SHLD1: variants seen among roughly 807,000 people sequenced by gnomAD.
SHLD1 encodes the protein shieldin complex subunit 1.
In SHLD1, 3 loss-of-function variants were observed where a neutral mutation model predicts 5.5. The ratio of observed to expected loss-of-function variants is 0.54; its 90% CI spans 0.25 to 1.40. SHLD1 has a LOEUF of 1.40. Among genes scored for constraint, SHLD1 ranks in the 40% most tolerant of loss-of-function variants. The pLI, the probability that SHLD1 is intolerant of heterozygous loss-of-function variation, is 0.15. For missense variants in SHLD1, 210 were observed against 244.4 expected (o/e 0.86, Z 0.94); for synonymous variants, 92 against 94.3 (o/e 0.98, Z 0.14).
chr20:5,817,852 T>C (rs1188397979), intron 2 of SHLD1, among the ~76,000 whole-genome samples: 1 of 152,192 alleles, frequency 6.6e-6, no homozygotes, highest in Non-Finnish European at 1.5e-5. Flanking sequence ...GTCTCTTTGC[T>C]GAGGAAACTG....
chr20:5,764,160 A>ATATATATATATTT (rs1398038904), intron 1 of SHLD1, among the ~76,000 whole-genome samples: 1,221 of 62,790 alleles, frequency 0.019, 12 homozygotes, highest in Non-Finnish European at 0.032. Flanking sequence ...ATTTATATTT[A>ATATATATATATTT]TATATATATA....
At chr20:5,800,558 C>T (rs1412226551) in intron 2 of SHLD1, among the ~76,000 whole-genome samples, 1 of 152,118 alleles carries the variant, frequency 6.6e-6, no homozygotes, top group Non-Finnish European at 1.5e-5. Flanking sequence ...GGCACGGTGG[C>T]AGACACCTGT....
At chr20:5,763,946 T>TAAAAAAAAAA (rs1233102331) in intron 1 of SHLD1, among the ~76,000 whole-genome samples, 2 of 70,176 alleles carry the variant, frequency 2.8e-5, no homozygotes, top group Non-Finnish European at 5.2e-5. Flanking sequence ...CCGTCTTTAC[T>TAAAAAAAAAA]AAAAAAAAAA....
At chr20:5,833,983 T>C (rs1320388328) in intron 2 of SHLD1, among the ~76,000 whole-genome samples, 1 of 152,236 alleles carries the variant, frequency 6.6e-6, no homozygotes, top group African/African-American at 2.4e-5. Context: ...CTTCTGTCAT[T>C]GGCATTGAGG....
intron 2 of SHLD1, among the ~76,000 whole-genome samples, chr20:5,827,487 T>C (rs1217286540): frequency 6.6e-6 from 1 of 152,072 alleles, no homozygotes; most frequent in Non-Finnish European, 1.5e-5. Flanking sequence ...GCACCCCCAG[T>C]CTGCAGCCCC....
intron 2 of SHLD1, among the ~76,000 whole-genome samples, chr20:5,854,005 A>G (rs2088048054): frequency 6.7e-6 from 1 of 149,822 alleles, no homozygotes; most frequent in Admixed American, 6.6e-5. Context: ...ATGCTCAGCT[A>G]ATTTTTTTTT....
At chr20:5,839,587 A>C (rs1472574026) in intron 2 of SHLD1, among the ~76,000 whole-genome samples, 1 of 152,224 alleles carries the variant, frequency 6.6e-6, no homozygotes, top group Non-Finnish European at 1.5e-5. Context: ...GTGGAAGTAC[A>C]TGTTCAGATA....
At chr20:5,755,547 C>T (rs2122171099) in intron 1 of SHLD1, among the ~76,000 whole-genome samples, 1 of 151,756 alleles carries the variant, frequency 6.6e-6, no homozygotes, top group African/African-American at 2.4e-5. Flanking sequence ...AAGGGAAGAA[C>T]ATTTTCTTTT....
At chr20:5,786,315 C>T (rs182940154) in intron 2 of SHLD1, among the ~76,000 whole-genome samples, 36 of 152,200 alleles carry the variant, frequency 2.4e-4, no homozygotes, top group African/African-American at 8.2e-4. Flanking sequence ...AGTGGCTCAC[C>T]CTTGTGATCC....
intron 2 of SHLD1, among the ~76,000 whole-genome samples, chr20:5,861,676 A>C (rs2088164834): frequency 1.3e-5 from 2 of 152,356 alleles, no homozygotes; most frequent in Middle Eastern, 3.4e-3. Context: ...GTTGAAGCCC[A>C]GAAAGGTTGT....
intron 1 of SHLD1, among the ~76,000 whole-genome samples, chr20:5,751,947 T>G (rs1983773347): frequency 6.6e-6 from 1 of 152,218 alleles, no homozygotes; most frequent in Admixed American, 6.6e-5. Context: ...ATTCTTTAGC[T>G]GACAGTTGCT....
At chr20:5,816,089 GAAA>G (rs141881349) in intron 2 of SHLD1, among the ~76,000 whole-genome samples, 5 of 86,320 alleles carry the variant, frequency 5.8e-5, no homozygotes, top group Non-Finnish European at 8.2e-5. Context: ...TCAAAAAAAC[GAAA>G]AAAAAAAAAA....
At chr20:5,847,143 T>C (rs1682907366) in intron 2 of SHLD1, among the ~76,000 whole-genome samples, 1 of 152,154 alleles carries the variant, frequency 6.6e-6, no homozygotes, top group Non-Finnish European at 1.5e-5. Context: ...AAGATCATAT[T>C]AATGAAGAAA....
rs535367684 is a variant in SHLD1, at chr20:5,769,031, G to A, written c.-4-3831G>A. 6.0e-4 allele frequency among the ~76,000 whole-genome samples: 91 copies of A among 151,322 alleles called. 1 individual carries two copies. Among genetic ancestry groups the A allele is most frequent in the Non-Finnish European group, 1.1e-3 (74 of 67,954 alleles). On this transcript the variant is annotated intron_variant, in intron 1 of 2. Coordinates refer to ENST00000303142, the MANE Select transcript of SHLD1 (RefSeq NM_152504.4). The stretch of plus-strand genomic sequence containing the variant: ...AGTGATCCTCCCAACTCTGCCTCCT[G>A]AGTAGCTGGGACTATAGGCACATGC...
At chr20:5,768,327 C>T (rs1014815979) in intron 1 of SHLD1, among the ~76,000 whole-genome samples, 9 of 152,194 alleles carry the variant, frequency 5.9e-5, no homozygotes, top group Admixed American at 1.3e-4. Flanking sequence ...TGTGCTTGTC[C>T]GAGCTGGTTC....
chr20:5,834,374 ATTAT>A, intron 2 of SHLD1, among the ~76,000 whole-genome samples: 1 of 152,304 alleles, frequency 6.6e-6, no homozygotes, highest in Admixed American at 6.5e-5. Flanking sequence ...TAGGAAAGAG[ATTAT>A]TTATATAATA....
At chr20:5,851,548 A>C (rs2088010439) in intron 2 of SHLD1, among the ~76,000 whole-genome samples, 1 of 151,916 alleles carries the variant, frequency 6.6e-6, no homozygotes, top group African/African-American at 2.4e-5. Context: ...CAATAAAAAT[A>C]TTATGTGAGT....
chr20:5,809,654 C>T (rs935055416), intron 2 of SHLD1, among the ~76,000 whole-genome samples: 2 of 152,106 alleles, frequency 1.3e-5, no homozygotes, highest in Non-Finnish European at 2.9e-5. Context: ...ATTTCCTCTA[C>T]ACCATTGGTT....
chr20:5,806,239 A>G lies in SHLD1; in HGVS notation c.178+33196A>G, dbSNP rs1333727395. On this transcript the variant is annotated intron_variant, in intron 2 of 2. Transcript: ENST00000303142. The surrounding 1 kb of genome is among the most constrained non-coding windows in gnomAD (Gnocchi z 7.6). ...TAATATCTACCTGATGGGTGGACAC[A>G]TAGTAGCTGACATAAGTGAGAATCT... 1.3e-5 allele frequency among the ~76,000 whole-genome samples: 2 copies of G among 152,218 alleles called. No homozygotes were observed. Among genetic ancestry groups the G allele is most frequent in the African/African-American group, 2.4e-5 (1 of 41,466 alleles).
Sources: allele counts gnomAD v4.1 joint callset (sites outside exome capture counted in the v4.1 genomes callset), GRCh38; gene constraint gnomAD v4.1.1; non-coding constraint Gnocchi (gnomAD v3.1); transcripts MANE v1.5; gene names NCBI Gene and HGNC (gene_info 2026-07-23, HGNC 2026-07-21).